WDR72: variants seen among roughly 807,000 people sequenced by gnomAD.
WDR72 encodes WD repeat domain 72, also known as WD repeat-containing protein 72.
WDR72 carries 120 observed loss-of-function variants against 124.2 expected under a neutral mutation model. The ratio of observed to expected loss-of-function variants is 0.97; its 90% confidence interval spans 0.83 to 1.12. The LOEUF (loss-of-function observed/expected upper bound fraction) is 1.12, where lower values mean the gene tolerates loss of function less well. Ranked by LOEUF, WDR72 falls within the 50% of genes most tolerant of loss-of-function variation. WDR72 has a pLI of 0.00. For synonymous variants in WDR72, 452 were observed against 441.7 expected (o/e 1.02, Z -0.29); for missense variants, 1,387 against 1,278.8 (o/e 1.08, Z -1.29).
Position 53,589,021 on chromosome 15 carries a change from G to A in WDR72, c.3148+8058C>T, listed in dbSNP as rs928985435. On this transcript the variant is annotated intron_variant, in intron 18 of 19. Coordinates refer to ENST00000360509, the MANE Select transcript of WDR72 (RefSeq NM_182758.4). ...CTGAGGAAACAATGTTTGAGGCAGC[G>A]GCTCCTTAGAAACTTCTGTGGATAA... Among the ~76,000 whole-genome samples, 8 of 151,892 alleles carry A rather than the reference G, an allele frequency of 5.3e-5. No individual in the cohort carries two copies. The South Asian group carries it at 6.2e-4, about 12-fold the overall frequency.
chr15:53,621,625 T>G (rs1015111334), intron 14 of WDR72, among the ~76,000 whole-genome samples: 1 of 151,630 alleles, frequency 6.6e-6, no homozygotes, highest in Admixed American at 6.6e-5. Context: ...CACAATAAAC[T>G]TTGGGGACAC....
Position 53,615,546 on chromosome 15 carries a change from C to T in WDR72, c.2660G>A (p.Gly887Glu). The T allele has an allele frequency of 6.2e-7, 1 of 1,612,956 alleles. No homozygotes were observed. The highest frequency in any genetic ancestry group is 1.1e-5 in the South Asian group (1 of 91,046). ...TLPNQVGIPR[G>E]LENNCDSLRE... ...CAAAGAATCACAATTATTTTCCAAT[C>T]CTCTTGGAATTCCAACCTGATTTGG... Residue 887 changes from glycine to glutamate, a missense_variant, in exon 15 of 20, where the codon GGA (glycine) becomes GAA (glutamate). Coordinates refer to ENST00000360509, the MANE Select transcript of WDR72 (RefSeq NM_182758.4).
At chr15:53,683,965 C>T (rs185762853) in intron 13 of WDR72, among the ~76,000 whole-genome samples, 26 of 152,136 alleles carry the variant, frequency 1.7e-4, no homozygotes, top group East Asian at 9.6e-4. Context: ...GGGATGTCAA[C>T]GAACCCTTTT....
At chr15:53,678,046 T>C (rs1354572071) in intron 13 of WDR72, among the ~76,000 whole-genome samples, 2 of 152,202 alleles carry the variant, frequency 1.3e-5, no homozygotes, top group Non-Finnish European at 2.9e-5. Context: ...GTTACATTTC[T>C]ACCAGAGATT....
At chr15:53,609,487 C>T (rs756749001) in intron 17 of WDR72, 26 bp downstream of exon 17, 13 of 1,595,224 alleles carry the variant, frequency 8.1e-6, no homozygotes, top group South Asian at 3.3e-5. Context: ...CTTCTAATAA[C>T]GTCATGAATG....
chr15:53,649,429 C>A (rs905743059), intron 14 of WDR72, among the ~76,000 whole-genome samples: 1 of 151,948 alleles, frequency 6.6e-6, no homozygotes, highest in Non-Finnish European at 1.5e-5. Context: ...ATAAAGAAAG[C>A]AATTTTATGT....
chr15:53,587,383 G>C (rs2012266987), intron 18 of WDR72, among the ~76,000 whole-genome samples: 1 of 151,938 alleles, frequency 6.6e-6, no homozygotes, highest in Non-Finnish European at 1.5e-5. Flanking sequence ...ATCACTGACA[G>C]AATCACCACA....
At chr15:53,518,421 G>C (rs536014097) in intron 19 of WDR72, among the ~76,000 whole-genome samples, 1 of 151,148 alleles carries the variant, frequency 6.6e-6, no homozygotes, top group Non-Finnish European at 1.5e-5. Flanking sequence ...TATACTAACT[G>C]TGTGTGTGTG....
chr15:53,596,116 C>A (rs765064015), intron 18 of WDR72, among the ~76,000 whole-genome samples: 12 of 152,064 alleles, frequency 7.9e-5, no homozygotes, highest in Non-Finnish European at 1.8e-4. Context: ...AGTAACATTG[C>A]TCCTAGTCCT....
At chr15:53,552,160 A>G (rs955478374) in intron 18 of WDR72, among the ~76,000 whole-genome samples, 1 of 150,744 alleles carries the variant, frequency 6.6e-6, no homozygotes, top group African/African-American at 2.5e-5. Flanking sequence ...GTGTTTATGT[A>G]TGTACTAGTA....
intron 13 of WDR72, among the ~76,000 whole-genome samples, chr15:53,699,063 T>C (rs2017089141): frequency 6.6e-6 from 1 of 152,168 alleles, no homozygotes; most frequent in Non-Finnish European, 1.5e-5. Context: ...ACACCCAACA[T>C]AAAACCACCA....
At chr15:53,603,932 T>A (rs144332311) in intron 17 of WDR72, among the ~76,000 whole-genome samples, 2 of 152,282 alleles carry the variant, frequency 1.3e-5, no homozygotes, top group African/African-American at 4.8e-5. Context: ...TTCATTGCTA[T>A]TCATATCAAG....
At chr15:53,648,497 A>C (rs2015119884) in intron 14 of WDR72, among the ~76,000 whole-genome samples, 1 of 152,164 alleles carries the variant, frequency 6.6e-6, no homozygotes, top group Non-Finnish European at 1.5e-5. Flanking sequence ...TAATTGGCCA[A>C]GAGGTCAGGA....
intron 18 of WDR72, among the ~76,000 whole-genome samples, chr15:53,546,745 A>T (rs1029021446): frequency 1.3e-5 from 2 of 152,198 alleles, no homozygotes; most frequent in Non-Finnish European, 2.9e-5. Context: ...AACCACTAAC[A>T]AATCTAATCA....
chr15:53,541,512 G>A (rs55729438), intron 18 of WDR72, among the ~76,000 whole-genome samples: 20 of 150,886 alleles, frequency 1.3e-4, no homozygotes, highest in Admixed American at 9.9e-4. Context: ...TCATCAAAGA[G>A]CAAAAGTAGA....
chr15:53,569,149 G>T (rs1181707641), intron 18 of WDR72, among the ~76,000 whole-genome samples: 1 of 151,876 alleles, frequency 6.6e-6, no homozygotes, highest in Admixed American at 6.6e-5. Flanking sequence ...TTTCTCTGAA[G>T]ACCAGTCTTC....
chr15:53,519,400 G>A (rs576937019), intron 19 of WDR72, among the ~76,000 whole-genome samples: 22 of 152,116 alleles, frequency 1.4e-4, no homozygotes, highest in African/African-American at 5.1e-4. Flanking sequence ...TCTCAAAAGA[G>A]GGAGCTGAAA....
At chr15:53,699,156 C>G (rs111751992) in intron 13 of WDR72, among the ~76,000 whole-genome samples, 34 of 152,132 alleles carry the variant, frequency 2.2e-4, no homozygotes, top group African/African-American at 8.2e-4. Context: ...TCATTAATTA[C>G]CTCACCTTAT....
At chr15:53,688,652 C>T (rs1397238071) in intron 13 of WDR72, among the ~76,000 whole-genome samples, 1 of 152,066 alleles carries the variant, frequency 6.6e-6, no homozygotes, top group Non-Finnish European at 1.5e-5. Context: ...AGGTAATTTA[C>T]AGATTCAATG....
Sources: allele counts gnomAD v4.1 joint callset (sites outside exome capture counted in the v4.1 genomes callset), GRCh38; gene constraint gnomAD v4.1.1; transcripts MANE v1.5; gene names NCBI Gene and HGNC (gene_info 2026-07-23, HGNC 2026-07-21).